Variants in GSDME observed in about 807,000 individuals in gnomAD.
The protein encoded by GSDME is gasdermin-E.
GSDME carries 44 observed loss-of-function variants against 47.5 expected under a neutral mutation model. The observed-to-expected ratio is 0.93, with a 90% CI of 0.73 to 1.19. The LOEUF is 1.19. GSDME is among the 50% of genes most tolerant of loss of function. The pLI, the probability that GSDME is intolerant of heterozygous loss-of-function variation, is 0.00. For missense variants in GSDME, 663 were observed against 604.2 expected (o/e 1.10, Z -1.02); for synonymous variants, 258 against 252.8 (o/e 1.02, Z -0.20).
Position 24,706,317 on chromosome 7 carries a change from G to A in GSDME, c.1050C>T (p.Pro350=). The change falls in exon 8 of 10, where the codon CCC becomes CCT. Residue 350 remains proline, a synonymous_variant. Coordinates refer to ENST00000645220, the MANE Select transcript of GSDME (RefSeq NM_001127453.2). ...PTVAVLGELK[P]RQQQDLVAFL... ...AGGCCACAAGGTCCTGCTGCTGCCG[G>A]GGCTTCAGCTCCCCCAGCACCGCCA... 1 of 1,613,696 alleles carries A rather than the reference G, an allele frequency of 6.2e-7. No homozygotes were observed. Among genetic ancestry groups the A allele is most frequent in the Non-Finnish European group, 8.5e-7 (1 of 1,179,958 alleles).
chr7:24,701,458 T>A (rs951861106), intron 9 of GSDME, among the ~76,000 whole-genome samples: 1 of 152,114 alleles, frequency 6.6e-6, no homozygotes, highest in African/African-American at 2.4e-5. Flanking sequence ...AGTGTGAGTT[T>A]GTCACAGAAG....
chr7:24,717,169 C>G, intron 5 of GSDME, 85 bp downstream of exon 5: 1 of 1,166,480 alleles, frequency 8.6e-7, no homozygotes, highest in Non-Finnish European at 1.2e-6. Flanking sequence ...CCAAAGCAGT[C>G]GAGTCCTCTG....
the GSDME span, among the ~76,000 whole-genome samples, chr7:24,791,501 T>C: frequency 6.6e-6 from 1 of 152,202 alleles, no homozygotes; most frequent in African/African-American, 2.4e-5. The surrounding 1 kb of genome is among the most constrained non-coding windows in gnomAD (Gnocchi z 4.8). Context: ...AGATGCAAGA[T>C]GTAGAAGTAC....
At chr7:24,751,083 G>C (rs531270330) in intron 1 of GSDME, among the ~76,000 whole-genome samples, 46 of 152,116 alleles carry the variant, frequency 3.0e-4, no homozygotes, top group African/African-American at 8.7e-4. Flanking sequence ...GAAAGACAAA[G>C]GGCAAACTGA....
chr7:24,751,667 C>T (rs1207218415), intron 1 of GSDME, among the ~76,000 whole-genome samples: 8 of 152,182 alleles, frequency 5.3e-5, no homozygotes, highest in Non-Finnish European at 1.0e-4. Context: ...AGCAGCATGA[C>T]TAAGGATGCT....
At chr7:24,751,570 T>A (rs1351308716) in intron 1 of GSDME, among the ~76,000 whole-genome samples, 1 of 152,214 alleles carries the variant, frequency 6.6e-6, no homozygotes, top group Non-Finnish European at 1.5e-5. Context: ...CTGACCCTGT[T>A]CTTGTATATT....
chr7:24,766,885 T>G, the GSDME span, among the ~76,000 whole-genome samples: 1 of 152,228 alleles, frequency 6.6e-6, no homozygotes, highest in Admixed American at 6.5e-5. The surrounding 1 kb of genome is among the most constrained non-coding windows in gnomAD (Gnocchi z 4.2). Flanking sequence ...CCACACTGTC[T>G]TCCACAACGG....
At chr7:24,711,110 A>G in intron 5 of GSDME, among the ~76,000 whole-genome samples, 1 of 140,828 alleles carries the variant, frequency 7.1e-6, no homozygotes, top group African/African-American at 2.5e-5. Flanking sequence ...GTTATGGCTA[A>G]AACATGAATT....
intron 3 of GSDME, among the ~76,000 whole-genome samples, chr7:24,743,534 A>G (rs1790553447): frequency 6.6e-6 from 1 of 152,198 alleles, no homozygotes; most frequent in Non-Finnish European, 1.5e-5. Flanking sequence ...TAAAAAATAC[A>G]TCAGATTACG....
In GSDME at chr7:24,736,629, CA is replaced by C. The variant is rs1219789976; in HGVS notation, c.404+7932del. Among the ~76,000 whole-genome samples the C allele has an allele frequency of 6.6e-6, 1 of 152,150 alleles. No individual in the cohort carries two copies. Among genetic ancestry groups the C allele is most frequent in the Non-Finnish European group, 1.5e-5 (1 of 67,996 alleles). On this transcript the variant is annotated intron_variant, in intron 3 of 9. Coordinates refer to ENST00000645220, the MANE Select transcript of GSDME (RefSeq NM_001127453.2). The surrounding 1 kb of genome is among the most constrained non-coding windows in gnomAD (Gnocchi z 4.6). ...ACAGATCATCCAGACAGAAAATCAA[CA>C]TCAGACTTAATCTGCACTACAGACC...
rs1008843427 is a variant in GSDME, at chr7:24,749,663, T to G, written c.112A>C (p.Thr38Pro). Residue 38 changes from threonine (T) to proline (P), a missense_variant, in exon 2 of 10, where the codon ACA becomes CCA. Thr to Pro is a conservative substitution (Grantham distance 38). Coordinates refer to ENST00000645220, the MANE Select transcript of GSDME (RefSeq NM_001127453.2). The stretch of plus-strand genomic sequence containing the variant: ...CAGCACCAGAATCTCTTCTTTTTTG[T>G]CACCAGACTTAGAAGCTGTAACTTA... ...SDKLQLLSLV[T>P]KKKRFWCWQR... The G allele has an allele frequency of 1.2e-6, 2 of 1,614,028 alleles. No individual in the cohort carries two copies. Among genetic ancestry groups the G allele is most frequent in the African/African-American group, 1.3e-5 (1 of 74,928 alleles).
Position 24,736,015 on chromosome 7 carries a change from T to TA in GSDME, c.404+8546dup, listed in dbSNP as rs769620385. 7.1e-4 allele frequency among the ~76,000 whole-genome samples: 108 copies of TA among 151,884 alleles called. No homozygotes were observed. Among genetic ancestry groups the TA allele is most frequent in the Middle Eastern group, 6.8e-3 (2 of 294 alleles). On this transcript the variant is annotated intron_variant, in intron 3 of 9. Coordinates refer to ENST00000645220, the MANE Select transcript of GSDME (RefSeq NM_001127453.2). The surrounding 1 kb of genome is among the most constrained non-coding windows in gnomAD (Gnocchi z 4.6). ...TTGCAAGCCTCATGGTAACCTCAAA[T>TA]AAAAAACTTACAACAGATACACAAA...
the GSDME span, among the ~76,000 whole-genome samples, chr7:24,774,044 T>C: frequency 3.3e-5 from 5 of 152,168 alleles, no homozygotes; most frequent in Non-Finnish European, 7.3e-5. Context: ...GGAGAAAATG[T>C]TGTCTTTCTG....
rs940781910 is a variant in GSDME, at chr7:24,745,871, T to C, written c.212-1117A>G. On this transcript the variant is annotated intron_variant, in intron 2 of 9. Coordinates refer to ENST00000645220, the MANE Select transcript of GSDME (RefSeq NM_001127453.2). This position sits in a 1 kb window ranked among gnomAD's most constrained non-coding sequence, Gnocchi z 4.4. The stretch of plus-strand genomic sequence containing the variant: ...ATATAAAAATAATAACAAATAAAAA[T>C]AATGATTTTAAAAATAGTCTCTATC... Among the ~76,000 whole-genome samples the C allele has an allele frequency of 2.0e-5, 3 of 152,206 alleles. No homozygotes were observed. Among genetic ancestry groups the C allele is most frequent in the South Asian group, 2.1e-4 (1 of 4,820 alleles).
At chr7:24,729,942 G>A (rs558886137) in intron 3 of GSDME, among the ~76,000 whole-genome samples, 2 of 152,322 alleles carry the variant, frequency 1.3e-5, no homozygotes, top group South Asian at 4.1e-4. Context: ...CCATTTCCCA[G>A]AGAAACTGTC....
chr7:24,707,736 G>A, intron 7 of GSDME: 1 of 428,724 alleles, frequency 2.3e-6, no homozygotes, highest in Non-Finnish European at 4.2e-6. Context: ...GCAGAGGCTG[G>A]AGTGCTGCTG....
intron 3 of GSDME, among the ~76,000 whole-genome samples, chr7:24,740,923 C>T (rs1422123522): frequency 6.6e-6 from 1 of 152,102 alleles, no homozygotes; most frequent in Admixed American, 6.5e-5. Context: ...CCCCAAATAG[C>T]CAGGAAAGCA....
At chr7:24,763,474 C>A in the GSDME span, among the ~76,000 whole-genome samples, 1 of 151,850 alleles carries the variant, frequency 6.6e-6, no homozygotes, top group Admixed American at 6.6e-5. The surrounding 1 kb of genome is among the most constrained non-coding windows in gnomAD (Gnocchi z 4.3). Flanking sequence ...ACAAAGTGAC[C>A]AGCAGGCAGG....
chr7:24,787,019 G>C, the GSDME span, among the ~76,000 whole-genome samples: 1 of 152,196 alleles, frequency 6.6e-6, no homozygotes, highest in Middle Eastern at 3.4e-3. The surrounding 1 kb of genome is among the most constrained non-coding windows in gnomAD (Gnocchi z 5.0). Flanking sequence ...AAAGAGGTGA[G>C]GGCCTTGGGC....
Sources: gnomAD v4.1 joint callset for allele counts (sites outside exome capture counted in the v4.1 genomes callset) on GRCh38, gnomAD v4.1.1 for gene constraint, Gnocchi (gnomAD v3.1) non-coding constraint, MANE v1.5 for transcripts, NCBI Gene and HGNC (gene_info 2026-07-23, HGNC 2026-07-21) for gene names.